Variants in PDE12 observed in about 807,000 individuals in gnomAD.
PDE12 encodes phosphodiesterase 12.
A neutral mutation model predicts 45.4 loss-of-function variants in PDE12; 26 were observed. The ratio of observed to expected loss-of-function variants is 0.57; its 90% CI spans 0.42 to 0.79. The LOEUF (loss-of-function observed/expected upper bound fraction) is 0.79, where lower values mean the gene tolerates loss of function less well. PDE12 is among the 30% of genes least tolerant of loss of function. PDE12 has a pLI of 0.00. For missense variants in PDE12, 668 were observed against 790.0 expected (o/e 0.85, Z 1.85); for synonymous variants, 283 against 323.9 (o/e 0.87, Z 1.36).
the PDE12 span, among the ~76,000 whole-genome samples, chr3:57,612,684 T>G: frequency 0.11 from 15,905 of 150,436 alleles, 1,009 homozygotes; most frequent in South Asian, 0.16. Flanking sequence ...GGCAAGAGAA[T>G]CACTTGAACC....
At chr3:57,617,873 A>T in the PDE12 span, among the ~76,000 whole-genome samples, 120 of 108,512 alleles carry the variant, frequency 1.1e-3, 1 homozygote, top group Non-Finnish European at 3.0e-4. Context: ...ACTCTGCCTT[A>T]AAAAAAAAAA....
chr3:57,635,465 G>A, the PDE12 span, among the ~76,000 whole-genome samples: 51 of 152,110 alleles, frequency 3.4e-4, no homozygotes, highest in African/African-American at 1.2e-3. Flanking sequence ...ACTTAAAAGT[G>A]TCATGAACAA....
At chr3:57,576,730 C>A in the PDE12 span, among the ~76,000 whole-genome samples, 7 of 152,034 alleles carry the variant, frequency 4.6e-5, no homozygotes, top group Non-Finnish European at 1.0e-4. Flanking sequence ...CCATTTAGTA[C>A]ATTTAACAAC....
the PDE12 span, chr3:57,654,748 T>TA: frequency 1.0e-6 from 1 of 985,246 alleles, no homozygotes; most frequent in Non-Finnish European, 1.2e-6. Flanking sequence ...AAGGAGCGCC[T>TA]ACACTCAACT....
At chr3:57,569,850 AAAG>A (rs1211053540), downstream of PDE12, among the ~76,000 whole-genome samples, 13 of 151,444 alleles carry the variant, frequency 8.6e-5, no homozygotes, top group African/African-American at 1.2e-4. Context: ...AAAAAAAAAA[AAAG>A]GTAATTTCCA....
chr3:57,643,027 G>C, the PDE12 span, among the ~76,000 whole-genome samples: 2 of 137,726 alleles, frequency 1.5e-5, no homozygotes, highest in Non-Finnish European at 3.2e-5. Context: ...AAAAAAGAAA[G>C]ATCACTCTGG....
chr3:57,617,171 G>A, the PDE12 span, among the ~76,000 whole-genome samples: 1 of 151,140 alleles, frequency 6.6e-6, no homozygotes, highest in Admixed American at 6.6e-5. Context: ...TTGGGAGGCT[G>A]AAGCGGGAGG....
chr3:57,640,937 G>C, the PDE12 span, among the ~76,000 whole-genome samples: 2 of 151,832 alleles, frequency 1.3e-5, no homozygotes, highest in South Asian at 4.2e-4. Context: ...CATGAACAAG[G>C]TACTGTATGT....
chr3:57,618,504 C>T, the PDE12 span, among the ~76,000 whole-genome samples: 1 of 151,806 alleles, frequency 6.6e-6, no homozygotes, highest in Non-Finnish European at 1.5e-5. Context: ...TCACTGCAGC[C>T]TCAACCTCCC....
chr3:57,610,001 C>T, the PDE12 span, among the ~76,000 whole-genome samples: 1 of 152,112 alleles, frequency 6.6e-6, no homozygotes, highest in Non-Finnish European at 1.5e-5. Flanking sequence ...TACTGGCAAA[C>T]CAAATCCAGC....
chr3:57,568,898 G>C (rs1242376877), downstream of PDE12, among the ~76,000 whole-genome samples: 1 of 151,098 alleles, frequency 6.6e-6, no homozygotes, highest in East Asian at 1.9e-4. Flanking sequence ...AGGGGAACCA[G>C]AGAGCAGATA....
rs1442473398 is a variant in PDE12 at position 57,563,467 on chromosome 3, C to T, written c.*3463C>T. 3 of 152,294 alleles carry T rather than the reference C, an allele frequency of 2.0e-5. No individual in the cohort carries two copies. Among genetic ancestry groups the T allele is most frequent in the East Asian group, 3.9e-4 (2 of 5,190 alleles). 9.4% of individuals were successfully genotyped at this position (152,294 alleles called of 1,614,324 possible). ...GCTGCACCCGTTAACTCGTCATTTA[C>T]ATTAGGTATTTCTCCTAATGCTATC... On this transcript the variant is annotated 3_prime_UTR_variant, in exon 3 of 3. Coordinates refer to ENST00000311180, the MANE Select transcript of PDE12 (RefSeq NM_177966.7).
At chr3:57,650,244 C>T in the PDE12 span, among the ~76,000 whole-genome samples, 2 of 151,670 alleles carry the variant, frequency 1.3e-5, no homozygotes, top group East Asian at 3.9e-4. Context: ...CACTAAAGAA[C>T]TTATTCATGC....
chr3:57,655,199 T>C, the PDE12 span, among the ~76,000 whole-genome samples: 1 of 152,170 alleles, frequency 6.6e-6, no homozygotes, highest in Non-Finnish European at 1.5e-5. Context: ...CATGCCCAGC[T>C]AGTTTTTGTA....
chr3:57,634,196 A>G, the PDE12 span, among the ~76,000 whole-genome samples: 1 of 151,936 alleles, frequency 6.6e-6, no homozygotes, highest in Admixed American at 6.6e-5. Flanking sequence ...ACTTTGGGAG[A>G]CCGAGGTGGG....
At chr3:57,627,981 A>G in the PDE12 span, 3 of 444,364 alleles carry the variant, frequency 6.8e-6, no homozygotes, top group South Asian at 1.3e-4. Flanking sequence ...TTAAAAATAT[A>G]GAAATGCCTT....
chr3:57,614,784 G>A, the PDE12 span, among the ~76,000 whole-genome samples: 1 of 151,510 alleles, frequency 6.6e-6, no homozygotes, highest in Non-Finnish European at 1.5e-5. Context: ...ACAAAGGTCA[G>A]GAGTTCAAGA....
At chr3:57,636,164 T>C in the PDE12 span, among the ~76,000 whole-genome samples, 9 of 152,206 alleles carry the variant, frequency 5.9e-5, no homozygotes, top group African/African-American at 2.2e-4. Flanking sequence ...ACACAGATTT[T>C]CTACTACACA....
chr3:57,593,684 G>A, the PDE12 span, among the ~76,000 whole-genome samples: 1 of 152,132 alleles, frequency 6.6e-6, no homozygotes, highest in South Asian at 2.1e-4. Flanking sequence ...CATAATTTAA[G>A]GATTCACTTA....
Sources: allele counts gnomAD v4.1 joint callset (sites outside exome capture counted in the v4.1 genomes callset), GRCh38; gene constraint gnomAD v4.1.1; transcripts MANE v1.5; gene names NCBI Gene and HGNC (gene_info 2026-07-23, HGNC 2026-07-21).